CEP112: variants seen among roughly 807,000 people sequenced by gnomAD.
CEP112 encodes the protein centrosomal protein of 112 kDa.
CEP112 carries 127 observed loss-of-function variants against 153.0 expected under a neutral mutation model. That is an observed-to-expected ratio of 0.83 (90% CI 0.72 to 0.96). The LOEUF is 0.96. Ranked by LOEUF, CEP112 falls within the 40% of genes least tolerant of loss-of-function variation. The probability of loss-of-function intolerance (pLI) is 0.00; values close to 1 mark genes in which losing one functional copy is unlikely to be tolerated. For synonymous variants in CEP112, 358 were observed against 374.4 expected, an observed-to-expected ratio of 0.96 and a Z score of 0.51; for missense variants, 1,089 against 1,101.2, an observed-to-expected ratio of 0.99 and a Z score of 0.16.
intron 21 of CEP112, among the ~76,000 whole-genome samples, chr17:65,790,783 C>T (rs2054546963): frequency 6.6e-6 from 1 of 152,112 alleles, no homozygotes; most frequent in Non-Finnish European, 1.5e-5. Flanking sequence ...TGAGGAAAAG[C>T]CTGTTAGAAG....
intron 18 of CEP112, among the ~76,000 whole-genome samples, chr17:65,933,795 C>T (rs2061210669): frequency 6.6e-6 from 1 of 152,180 alleles, no homozygotes; most frequent in South Asian, 2.1e-4. Flanking sequence ...TAGTCATACT[C>T]AGAAGACTTT....
At chr17:65,860,355 G>T (rs1370360406) in intron 20 of CEP112, among the ~76,000 whole-genome samples, 1 of 151,730 alleles carries the variant, frequency 6.6e-6, no homozygotes, top group South Asian at 2.1e-4. Flanking sequence ...TCAGTTCTCT[G>T]CAGATTAATC....
intron 23 of CEP112, among the ~76,000 whole-genome samples, chr17:65,735,806 T>C (rs1011725014): frequency 1.3e-5 from 2 of 152,206 alleles, no homozygotes; most frequent in Non-Finnish European, 1.5e-5. Context: ...TATCTTTGTG[T>C]TATTATGAAA....
intron 19 of CEP112, among the ~76,000 whole-genome samples, chr17:65,911,298 A>C (rs1469495085): frequency 6.6e-6 from 1 of 152,196 alleles, no homozygotes; most frequent in East Asian, 1.9e-4. Context: ...ACAAAATATA[A>C]ATGTTATAAA....
At chr17:65,967,989 A>G (rs116572411) in intron 17 of CEP112, among the ~76,000 whole-genome samples, 353 of 152,298 alleles carry the variant, frequency 2.3e-3, no homozygotes, top group African/African-American at 8.0e-3. Context: ...TTATGTCCCT[A>G]TATTTAACAA....
At chr17:66,066,962 A>C (rs1481089825) in intron 9 of CEP112, 85 bp from the exon 10 acceptor site, 1 of 835,074 alleles carries the variant, frequency 1.2e-6, no homozygotes, top group South Asian at 2.3e-5. Context: ...TTTAATTCTA[A>C]AACATAAATA....
chr17:66,066,348 T>G lies in CEP112; in HGVS notation c.955+430A>C, dbSNP rs138955218. 3.1e-3 allele frequency among the ~76,000 whole-genome samples: 479 copies of G among 152,306 alleles called. 2 individuals are homozygous for G. The highest frequency in any genetic ancestry group is 0.014 in the Middle Eastern group (4 of 294). ...CAGCAAATACTATCAGACATAAAAG[T>G]AGATACTTAATGTAATGAATTTTAC... On this transcript the variant is annotated intron_variant, in intron 10 of 26. Transcript: ENST00000535342.
chr17:65,750,869 T>C (rs2051797042), intron 21 of CEP112, 145 bp from the exon 22 acceptor site: 2 of 626,132 alleles, frequency 3.2e-6, no homozygotes, highest in Non-Finnish European at 5.6e-6. Context: ...TTGTCTTTGA[T>C]GTTACGCCAA....
chr17:65,648,715 G>C (rs1040331360), intron 24 of CEP112, among the ~76,000 whole-genome samples: 1 of 152,128 alleles, frequency 6.6e-6, no homozygotes, highest in African/African-American at 2.4e-5. Flanking sequence ...TAAAAATAGC[G>C]AAGGGAGAAC....
chr17:66,158,699 G>A (rs2071558441), intron 4 of CEP112, among the ~76,000 whole-genome samples: 1 of 152,200 alleles, frequency 6.6e-6, no homozygotes, highest in Admixed American at 6.5e-5. Flanking sequence ...CACAGCTAAA[G>A]CAGCGTTTAG....
intron 17 of CEP112, among the ~76,000 whole-genome samples, chr17:65,970,155 T>C (rs1003628514): frequency 9.2e-5 from 14 of 152,184 alleles, no homozygotes; most frequent in East Asian, 5.8e-4. Context: ...TGCATGTGTA[T>C]AGCAAACATG....
intron 16 of CEP112, among the ~76,000 whole-genome samples, chr17:66,016,149 G>T (rs1453991099): frequency 6.6e-6 from 1 of 151,984 alleles, no homozygotes; most frequent in Non-Finnish European, 1.5e-5. Flanking sequence ...ATATCTTCTT[G>T]TATGCTACTG....
At chr17:66,176,518 C>T (rs574094817) in intron 3 of CEP112, 20 of 190,090 alleles carry the variant, frequency 1.1e-4, no homozygotes, top group Admixed American at 6.0e-4. Flanking sequence ...TACTGAATTA[C>T]GTAAAAATTA....
chr17:66,016,376 C>T (rs17625947), intron 16 of CEP112, among the ~76,000 whole-genome samples: 62,409 of 151,904 alleles, frequency 0.41, 14,279 homozygotes, highest in East Asian at 0.87. Flanking sequence ...TGACAAAAAC[C>T]ACAGGGGCTG....
intron 23 of CEP112, among the ~76,000 whole-genome samples, chr17:65,718,141 C>T (rs1471395404): frequency 6.6e-6 from 1 of 152,112 alleles, no homozygotes; most frequent in Non-Finnish European, 1.5e-5. Context: ...CGCGGTGGCT[C>T]ACGCCTGTAA....
At chr17:65,705,729 T>C (rs975797723) in intron 23 of CEP112, among the ~76,000 whole-genome samples, 2 of 152,202 alleles carry the variant, frequency 1.3e-5, no homozygotes, top group Non-Finnish European at 2.9e-5. Context: ...CTGCTTTAGA[T>C]TTGAAAAGAC....
At chr17:66,189,256 G>A (rs566070435) in intron 1 of CEP112, among the ~76,000 whole-genome samples, 7 of 152,184 alleles carry the variant, frequency 4.6e-5, no homozygotes, top group South Asian at 2.1e-4. Flanking sequence ...ATCCCAGCAC[G>A]TTGGGAAGCT....
chr17:65,898,242 A>T (rs1257173447), intron 20 of CEP112, among the ~76,000 whole-genome samples: 1 of 152,114 alleles, frequency 6.6e-6, no homozygotes, highest in Non-Finnish European at 1.5e-5. Context: ...GAACATTCAG[A>T]CTATACATAT....
At chr17:65,954,624 C>T (rs952477472) in intron 18 of CEP112, among the ~76,000 whole-genome samples, 12 of 151,852 alleles carry the variant, frequency 7.9e-5, no homozygotes, top group African/African-American at 2.4e-4. Context: ...ATACAGAATA[C>T]AAAAGAAGAG....
Sources: gnomAD v4.1 joint callset for allele counts (sites outside exome capture counted in the v4.1 genomes callset) on GRCh38, gnomAD v4.1.1 for gene constraint, MANE v1.5 for transcripts, NCBI Gene and HGNC (gene_info 2026-07-23, HGNC 2026-07-21) for gene names.